Variants in LRRC9 observed in about 807,000 individuals in gnomAD.
LRRC9 encodes leucine rich repeat containing 9.
In LRRC9, 122 loss-of-function variants were observed where a neutral mutation model predicts 63.2. The ratio of observed to expected loss-of-function variants is 1.93; its 90% CI spans 1.67 to 2.24. The LOEUF (loss-of-function observed/expected upper bound fraction) is 2.24. Ranked by LOEUF, LRRC9 falls within the 30% of genes most tolerant of loss-of-function variation. LRRC9 has a pLI of 0.00. For missense variants in LRRC9, 1,071 were observed against 627.7 expected (o/e 1.71, Z -7.55); for synonymous variants, 366 against 213.1 (o/e 1.72, Z -6.25).
intron 24 of LRRC9, 70 bp from the exon 25 acceptor site, chr14:60,018,301 G>A (rs1370542407): frequency 1.5e-6 from 1 of 688,420 alleles, no homozygotes; most frequent in Non-Finnish European, 2.7e-6. Flanking sequence ...TGTATGTGAA[G>A]GAACTCACCT....
At chr14:59,921,440 G>A (rs1008717327) in intron 1 of LRRC9, among the ~76,000 whole-genome samples, 2 of 152,126 alleles carry the variant, frequency 1.3e-5, no homozygotes, top group African/African-American at 2.4e-5. Flanking sequence ...CAAGGCAGAG[G>A]CAATTGGAAT....
chr14:60,056,114 G>C (rs1162706178), intron 30 of LRRC9, among the ~76,000 whole-genome samples: 1 of 151,996 alleles, frequency 6.6e-6, no homozygotes, highest in Non-Finnish European at 1.5e-5. Flanking sequence ...GAAAATCCAG[G>C]ATAATTTCAC....
chr14:60,018,601 T>TC, intron 25 of LRRC9, 122 bp downstream of exon 25: 1 of 349,554 alleles, frequency 2.9e-6, no homozygotes, highest in Non-Finnish European at 4.7e-6. Context: ...TTTCTTTGGG[T>TC]TTTTTTTTGT....
rs1887488224 is a variant in LRRC9 at position 59,986,484 on chromosome 14, C to CAAG, written c.2211+1261_2211+1263dup. ...CACTTCCTTTTTCTTTTGGTAGGCC[C>CAAG]AAGCCCTTTTAAGTAAGTAGAATCC... On this transcript the variant is annotated intron_variant, in intron 17 of 31. Transcript: ENST00000445360. The surrounding 1 kb of genome is among the most constrained non-coding windows in gnomAD (Gnocchi z 4.7). 1.3e-5 allele frequency among the ~76,000 whole-genome samples: 2 copies of CAAG among 152,268 alleles called. No individual in the cohort carries two copies. Among genetic ancestry groups the CAAG allele is most frequent in the Admixed American group, 1.3e-4 (2 of 15,294 alleles).
intron 10 of LRRC9, among the ~76,000 whole-genome samples, chr14:59,965,958 G>C (rs1186767898): frequency 7.3e-6 from 1 of 136,996 alleles, no homozygotes; most frequent in East Asian, 2.3e-4. Context: ...TTATTCCTAC[G>C]GTTTTGACTT....
chr14:60,053,401 A>G lies in LRRC9; in HGVS notation c.4131+196A>G, dbSNP rs1894038658. Among the ~76,000 whole-genome samples the G allele has an allele frequency of 5.5e-5, 4 of 72,992 alleles. No individual in the cohort carries two copies. In the South Asian group the frequency reaches 1.4e-3, roughly 26 times the overall value. The allele number at this position is 72,992 out of a possible 152,430, so 47.9% of individuals were successfully genotyped here. ...TGCGTGCTCACACACACACACACACACACACACACACACACACACATATAT... is the reference window on the plus strand; with the variant it reads ...TGCGTGCTCACACACACACACACACGCACACACACACACACACACATATAT... On this transcript the variant is annotated intron_variant, in intron 30 of 31. Coordinates refer to ENST00000445360, the Ensembl canonical transcript of LRRC9. The surrounding 1 kb of genome is among the most constrained non-coding windows in gnomAD (Gnocchi z 4.8).
rs919362129 is a variant in LRRC9 at position 59,974,556 on chromosome 14, ACTTTGTTTTTT to A, written c.1507-14_1507-4del. On this transcript the variant is annotated splice_polypyrimidine_tract_variant and intron_variant, in intron 12 of 31. Coordinates refer to ENST00000445360, the Ensembl canonical transcript of LRRC9. ...TTGTCAATTTTATAAAAATACTCAG[ACTTTGTTTTTT>A]CTTTGCAGCTGCCTCTCAAAAAAGA... The A allele has an allele frequency of 1.6e-6, 1 of 627,676 alleles. No homozygotes were observed. Among genetic ancestry groups the A allele is most frequent in the African/African-American group, 1.9e-5 (1 of 53,244 alleles). 38.9% of individuals were successfully genotyped at this position (627,676 alleles called of 1,614,324 possible).
chr14:60,050,345 C>T (rs191751902), intron 29 of LRRC9, among the ~76,000 whole-genome samples: 78 of 152,236 alleles, frequency 5.1e-4, no homozygotes, highest in African/African-American at 1.7e-3. Flanking sequence ...CCTTTCACTG[C>T]CTGGTCTATT....
intron 12 of LRRC9, among the ~76,000 whole-genome samples, chr14:59,968,119 C>G (rs1885055921): frequency 6.6e-6 from 1 of 152,160 alleles, no homozygotes; most frequent in Non-Finnish European, 1.5e-5. Flanking sequence ...CCGAAACTTC[C>G]TACAACATGG....
chr14:60,018,407 T>C (rs1890865322), exon 25 of LRRC9: 3 of 700,400 alleles, frequency 4.3e-6, no homozygotes, highest in African/African-American at 3.5e-5. Flanking sequence ...AATTTAGAAA[T>C]GTGTGTAATG....
At chr14:60,028,196 T>C in intron 28 of LRRC9, 95 bp downstream of exon 28, 1 of 614,306 alleles carries the variant, frequency 1.6e-6, no homozygotes, top group Non-Finnish European at 2.9e-6. Flanking sequence ...AAAATGTTGC[T>C]AGTATATTAT....
Position 60,042,761 on chromosome 14 carries a change from A to G in LRRC9, c.3991-10304A>G, listed in dbSNP as rs1197638123. Among the ~76,000 whole-genome samples, 1 of 152,008 alleles carries G rather than the reference A, an allele frequency of 6.6e-6. No individual in the cohort carries two copies. The highest frequency in any genetic ancestry group is 1.5e-5 in the Non-Finnish European group (1 of 67,958). Reference sequence around the variant, plus strand: ...CCGTGGGCTGCACCTATTGTCCGACAAGCCCCAGTGAGATGAACACAGTAC... The same window carrying G: ...CCGTGGGCTGCACCTATTGTCCGACGAGCCCCAGTGAGATGAACACAGTAC... On this transcript the variant is annotated intron_variant, in intron 29 of 31. Transcript: ENST00000445360. This position sits in a 1 kb window ranked among gnomAD's most constrained non-coding sequence, Gnocchi z 4.2.
rs527260713 is a variant in LRRC9 at position 59,990,835 on chromosome 14, G to T, written c.2211+5611G>T. Among the ~76,000 whole-genome samples, 1 of 152,264 alleles carries T rather than the reference G, an allele frequency of 6.6e-6. No individual in the cohort carries two copies. The highest frequency in any genetic ancestry group is 1.5e-5 in the Non-Finnish European group (1 of 68,008). On this transcript the variant is annotated intron_variant, in intron 17 of 31. Coordinates refer to ENST00000445360, the Ensembl canonical transcript of LRRC9. The surrounding 1 kb of genome is among the most constrained non-coding windows in gnomAD (Gnocchi z 4.2). ...GGTGAATATTTGTTGACTGTTCTGG[G>T]GCTCTCCTGTTTTCAGGTCCATCAG... is the stretch of plus-strand genomic sequence containing the variant.
At chr14:59,935,293 CAAA>C (rs3069508) in intron 6 of LRRC9, among the ~76,000 whole-genome samples, 45 of 125,042 alleles carry the variant, frequency 3.6e-4, no homozygotes, top group African/African-American at 1.0e-3. Flanking sequence ...GACTAGGTCT[CAAA>C]AAAAAAAAAA....
At chr14:59,993,657 G>T (rs1218880969) in intron 17 of LRRC9, among the ~76,000 whole-genome samples, 1 of 152,160 alleles carries the variant, frequency 6.6e-6, no homozygotes, top group Non-Finnish European at 1.5e-5. Flanking sequence ...GGCAGGGGTT[G>T]CAATCCTAGT....
rs140280511 is a variant in LRRC9, at chr14:59,960,600, G to A, written c.1080-314G>A. On this transcript the variant is annotated intron_variant, in intron 9 of 31. Coordinates refer to ENST00000445360, the Ensembl canonical transcript of LRRC9. ...CAACCATTTTAGGAATAAGGACTAC[G>A]AATATTGCCATTTTACTGAGAAAAC... 2.4e-3 allele frequency among the ~76,000 whole-genome samples: 362 copies of A among 152,282 alleles called. 3 individuals carry two copies. The highest frequency in any genetic ancestry group is 8.2e-3 in the African/African-American group (342 of 41,558).
intron 13 of LRRC9, 148 bp from the exon 14 acceptor site, chr14:59,977,077 T>A (rs1441773641): frequency 5.9e-6 from 3 of 507,374 alleles, no homozygotes; most frequent in Non-Finnish European, 1.0e-5. Context: ...GAGCAATGTG[T>A]TATGCGCTGT....
chr14:59,927,912 T>C lies in LRRC9; in HGVS notation c.-32T>C, dbSNP rs1267542331. On this transcript the variant is annotated splice_region_variant and 5_prime_UTR_variant, in exon 2 of 32. Coordinates refer to ENST00000445360, the Ensembl canonical transcript of LRRC9. This position sits in a 1 kb window ranked among gnomAD's most constrained non-coding sequence, Gnocchi z 4.4. Reference sequence around the variant, plus strand: ...TCATTTTTTCATTTTCCTTAAAAGTTATAATATTATGATCACTGTTTTTAA... The same window carrying C: ...TCATTTTTTCATTTTCCTTAAAAGTCATAATATTATGATCACTGTTTTTAA... 4.6e-6 allele frequency: 3 copies of C among 654,572 alleles called. No individual in the cohort carries two copies. The highest frequency in any genetic ancestry group is 8.1e-6 in the Non-Finnish European group (3 of 368,610). 40.5% of individuals were successfully genotyped at this position (654,572 alleles called of 1,614,324 possible). A position where few individuals can be genotyped will look rare whatever the true frequency, so the allele number is the denominator to read the frequency against.
In LRRC9 at chr14:59,941,411, A is replaced by C. The variant is rs962121895; in HGVS notation, c.726+2839A>C. ...ATGTTTTAATCTTTTTTTTTATCCC[A>C]CCTAGGGGGATTCCAAGTTAAATTT... On this transcript the variant is annotated intron_variant, in intron 7 of 31. Transcript: ENST00000445360. 3.3e-5 allele frequency among the ~76,000 whole-genome samples: 5 copies of C among 151,442 alleles called. No homozygotes were observed. In the South Asian group the frequency reaches 1.0e-3, roughly 31 times the overall value.
Sources: gnomAD v4.1 joint callset for allele counts (sites outside exome capture counted in the v4.1 genomes callset) on GRCh38, gnomAD v4.1.1 for gene constraint, Gnocchi (gnomAD v3.1) non-coding constraint, MANE v1.5 for transcripts, NCBI Gene and HGNC (gene_info 2026-07-23, HGNC 2026-07-21) for gene names.